LARS2: variants seen among roughly 807,000 people sequenced by gnomAD.
LARS2 encodes leucine--tRNA ligase, mitochondrial.
Under a neutral mutation model 116.6 loss-of-function variants are expected in LARS2, and 81 were observed. The ratio of observed to expected loss-of-function variants is 0.69; its 90% CI spans 0.58 to 0.84. The LOEUF is 0.84. LARS2 is among the 40% of genes least tolerant of loss of function. The probability of loss-of-function intolerance (pLI) is 0.00; values close to 1 mark genes in which losing one functional copy is unlikely to be tolerated. For missense variants in LARS2, 968 were observed against 1,114.5 expected (o/e 0.87, Z 1.87); for synonymous variants, 396 against 407.2 (o/e 0.97, Z 0.33).
At chr3:45,504,368 C>T (rs1271481229) in intron 15 of LARS2, among the ~76,000 whole-genome samples, 1 of 151,998 alleles carries the variant, frequency 6.6e-6, no homozygotes, top group Non-Finnish European at 1.5e-5. Flanking sequence ...TTGAAAGCTC[C>T]TTCCCTTCAC....
chr3:45,461,660 T>C (rs1699328476), intron 8 of LARS2, among the ~76,000 whole-genome samples: 2 of 152,156 alleles, frequency 1.3e-5, no homozygotes, highest in Non-Finnish European at 1.5e-5. Flanking sequence ...TAGAAAGCTA[T>C]TGCAATGGTC....
intron 5 of LARS2, 106 bp downstream of exon 5, chr3:45,417,679 C>T (rs749946980): frequency 3.1e-5 from 21 of 681,396 alleles, no homozygotes; most frequent in Non-Finnish European, 4.5e-5. Flanking sequence ...AACACTGCAG[C>T]GTACCAAGAG....
At chr3:45,488,847 C>T (rs375060808) in intron 12 of LARS2, 35 bp downstream of exon 12, 2 of 1,270,424 alleles carry the variant, frequency 1.6e-6, no homozygotes, top group Non-Finnish European at 2.3e-6. Context: ...AGAATGATCA[C>T]CTTGATACGA....
chr3:45,394,226 T>C (rs1410178528), intron 2 of LARS2, among the ~76,000 whole-genome samples: 1 of 152,264 alleles, frequency 6.6e-6, no homozygotes, highest in African/African-American at 2.4e-5. Context: ...GCATCTTTGA[T>C]GTTAGGGGTT....
At chr3:45,509,072 A>G (rs1444101063) in intron 15 of LARS2, among the ~76,000 whole-genome samples, 1 of 152,150 alleles carries the variant, frequency 6.6e-6, no homozygotes, top group African/African-American at 2.4e-5. Flanking sequence ...GCAAGCAAGC[A>G]TGATCTACCT....
intron 4 of LARS2, among the ~76,000 whole-genome samples, chr3:45,412,826 C>A (rs535712187): frequency 6.6e-6 from 1 of 152,308 alleles, no homozygotes; most frequent in East Asian, 1.9e-4. Flanking sequence ...TTCAGTGGGT[C>A]ACATCCACCA....
Position 45,547,578 on chromosome 3 carries a change from C to T in LARS2, c.*48C>T. 6.6e-7 allele frequency: 1 copy of T among 1,525,788 alleles called. No individual in the cohort carries two copies. The highest frequency in any genetic ancestry group is 8.9e-7 in the Non-Finnish European group (1 of 1,124,482). 94.5% of individuals were successfully genotyped at this position (1,525,788 alleles called of 1,614,324 possible). ...ACGAGGGCCTCTGAGGAACCTCCTT[C>T]CAGGCCTGGGATGAGGGGGCGATGT... On this transcript the variant is annotated 3_prime_UTR_variant, in exon 22 of 22. Coordinates refer to ENST00000645846, the MANE Select transcript of LARS2 (RefSeq NM_015340.4).
intron 6 of LARS2, among the ~76,000 whole-genome samples, chr3:45,444,139 G>GT (rs1698969532): frequency 6.7e-6 from 1 of 150,292 alleles, no homozygotes; most frequent in African/African-American, 2.4e-5. Flanking sequence ...CAAGTAGCTG[G>GT]GACTACAGGT....
intron 20 of LARS2, among the ~76,000 whole-genome samples, chr3:45,539,856 G>A (rs1203989163): frequency 6.6e-6 from 1 of 151,170 alleles, no homozygotes; most frequent in Non-Finnish European, 1.5e-5. Context: ...TGGGAAAAAA[G>A]AACATACAAA....
At chr3:45,425,268 AC>A (rs1234634557) in intron 6 of LARS2, among the ~76,000 whole-genome samples, 1 of 152,102 alleles carries the variant, frequency 6.6e-6, no homozygotes, top group Non-Finnish European at 1.5e-5. Context: ...TTTCTTAGGC[AC>A]CTGTAGATTC....
intron 20 of LARS2, among the ~76,000 whole-genome samples, chr3:45,535,302 G>T (rs1045509136): frequency 7.3e-5 from 11 of 151,324 alleles, no homozygotes; most frequent in African/African-American, 2.4e-4. Flanking sequence ...GCAGTGAGCT[G>T]AGATTGTGCC....
chr3:45,452,474 C>T lies in LARS2; in HGVS notation c.606+5494C>T, dbSNP rs568045374. On this transcript the variant is annotated intron_variant, in intron 7 of 21. Coordinates refer to ENST00000645846, the MANE Select transcript of LARS2 (RefSeq NM_015340.4). Reference sequence around the variant, plus strand: ...TATGTGTTTTGGTCCTTGATTTTGTCGTATGACATGATATTTATTGATTTC... The same window carrying T: ...TATGTGTTTTGGTCCTTGATTTTGTTGTATGACATGATATTTATTGATTTC... 1.4e-4 allele frequency among the ~76,000 whole-genome samples: 21 copies of T among 151,560 alleles called. No individual in the cohort carries two copies. In the South Asian group the frequency reaches 3.1e-3, roughly 23 times the overall value.
At chr3:45,442,646 C>T (rs983975935) in intron 6 of LARS2, among the ~76,000 whole-genome samples, 1 of 151,994 alleles carries the variant, frequency 6.6e-6, no homozygotes, top group Admixed American at 6.5e-5. Flanking sequence ...GGTTGGTCTC[C>T]GAGTTGGTAG....
chr3:45,500,440 A>G lies in LARS2; in HGVS notation c.1623-2A>G. On this transcript the variant is annotated splice_acceptor_variant, in intron 14 of 21. Coordinates refer to ENST00000645846, the MANE Select transcript of LARS2 (RefSeq NM_015340.4). LOFTEE classifies it high-confidence loss of function. ...AAAAATGCCTCCATCTCTTTTTTAC[A>G]GCCCTTTTAACACAGCAGTGGCCGA... 1.3e-6 allele frequency: 2 copies of G among 1,595,060 alleles called. No individual in the cohort carries two copies. The highest frequency in any genetic ancestry group is 8.5e-7 in the Non-Finnish European group (1 of 1,174,618).
chr3:45,547,232 C>G (rs1700888717), intron 21 of LARS2, 119 bp from the exon 22 acceptor site: 3 of 894,450 alleles, frequency 3.4e-6, no homozygotes, highest in Non-Finnish European at 5.1e-6. Context: ...TTCTCCACCT[C>G]TATTCCTTTC....
At chr3:45,494,182 T>C (rs1699971190) in intron 13 of LARS2, among the ~76,000 whole-genome samples, 1 of 151,924 alleles carries the variant, frequency 6.6e-6, no homozygotes, top group Non-Finnish European at 1.5e-5. Flanking sequence ...ATGCAGGGGG[T>C]CCCAAAGCCC....
At chr3:45,544,266 G>A (rs1700842500) in intron 21 of LARS2, among the ~76,000 whole-genome samples, 2 of 152,244 alleles carry the variant, frequency 1.3e-5, no homozygotes, top group South Asian at 4.1e-4. Context: ...AAGGTCTGGG[G>A]GCACATGAGC....
intron 6 of LARS2, among the ~76,000 whole-genome samples, chr3:45,430,029 T>TTTTTTTG (rs1553629354): frequency 7.2e-6 from 1 of 138,760 alleles, no homozygotes; most frequent in East Asian, 2.1e-4. Flanking sequence ...TTTTTTTTTT[T>TTTTTTTG]GAGACAGAGT....
chr3:45,527,272 T>C (rs1032563062), intron 20 of LARS2, among the ~76,000 whole-genome samples: 1 of 152,132 alleles, frequency 6.6e-6, no homozygotes, highest in Non-Finnish European at 1.5e-5. Flanking sequence ...GAAGTGAGGA[T>C]TTGCTCTGGA....
Sources: gnomAD v4.1 joint callset for allele counts (sites outside exome capture counted in the v4.1 genomes callset) on GRCh38, gnomAD v4.1.1 for gene constraint, MANE v1.5 for transcripts, NCBI Gene and HGNC (gene_info 2026-07-23, HGNC 2026-07-21) for gene names.